The following ULK4 variants were observed in gnomAD, a reference collection of about 807,000 sequenced individuals.
ULK4 encodes the protein inactive serine/threonine-protein kinase ULK4.
Under a neutral mutation model 160.6 loss-of-function variants are expected in ULK4, and 133 were observed. The ratio of observed to expected loss-of-function variants is 0.83; its 90% CI spans 0.72 to 0.96. The LOEUF is 0.96. Ranked by LOEUF, ULK4 falls within the 40% of genes least tolerant of loss-of-function variation. The probability of loss-of-function intolerance (pLI) is 0.00; values close to 1 mark genes in which losing one functional copy is unlikely to be tolerated. For synonymous variants in ULK4, 534 were observed against 539.8 expected (o/e 0.99, Z 0.15); for missense variants, 1,580 against 1,499.5 (o/e 1.05, Z -0.89).
chr3:41,775,690 C>T (rs115323351), intron 21 of ULK4, among the ~76,000 whole-genome samples: 8,801 of 150,570 alleles, frequency 0.058, 836 homozygotes, highest in East Asian at 0.17. Context: ...TGAGCCACCG[C>T]GCCCAGCCGA....
Position 41,306,326 on chromosome 3 carries a change from C to T in ULK4, c.3679-56752G>A, listed in dbSNP as rs1253224555. ...TGAGGAGCCCCTCTGCCCCGCCAGC[C>T]GCCCCATCCGGGAGGGAGGTGGGGG... On this transcript the variant is annotated intron_variant, in intron 35 of 36. Coordinates refer to ENST00000301831, the MANE Select transcript of ULK4 (RefSeq NM_017886.4). Among the ~76,000 whole-genome samples, 2 of 126,320 alleles carry T rather than the reference C, an allele frequency of 1.6e-5. 1 individual carries two copies. Among genetic ancestry groups the T allele is most frequent in the Non-Finnish European group, 3.1e-5 (2 of 64,530 alleles). 82.9% of individuals were successfully genotyped at this position (126,320 alleles called of 152,430 possible). A position where few individuals can be genotyped will look rare whatever the true frequency, so the allele number is the denominator to read the frequency against.
intron 35 of ULK4, among the ~76,000 whole-genome samples, chr3:41,270,484 T>C (rs973732286): frequency 6.6e-6 from 1 of 152,166 alleles, no homozygotes; most frequent in Non-Finnish European, 1.5e-5. Flanking sequence ...TTTCTCTCTA[T>C]CCCTTTTTTA....
chr3:41,705,132 T>C lies in ULK4; in HGVS notation c.2706A>G (p.Glu902=), dbSNP rs757389338. 4 of 1,613,890 alleles carry C rather than the reference T, an allele frequency of 2.5e-6. No homozygotes were observed. Among genetic ancestry groups the C allele is most frequent in the Non-Finnish European group, 3.4e-6 (4 of 1,179,896 alleles). ...DGAIGLTASE[E]FIKITLSAFE... ...AAGCTGACAATGTGATCTTGATAAA[T>C]TCTTCTGATGCTGTCAGTCCTAGAA... Residue 902 remains glutamate, a synonymous_variant, in exon 27 of 37, where the codon GAA becomes GAG. Coordinates refer to ENST00000301831, the MANE Select transcript of ULK4 (RefSeq NM_017886.4).
chr3:41,456,183 T>C (rs2083548406), intron 33 of ULK4, among the ~76,000 whole-genome samples: 1 of 152,218 alleles, frequency 6.6e-6, no homozygotes, highest in South Asian at 2.1e-4. Flanking sequence ...ATGCTGGCAT[T>C]GCAGATGTGA....
At chr3:41,448,800 T>A (rs936727865) in intron 34 of ULK4, among the ~76,000 whole-genome samples, 1 of 152,216 alleles carries the variant, frequency 6.6e-6, no homozygotes, top group African/African-American at 2.4e-5. Context: ...ACAAGAATGA[T>A]GTCCACGTTC....
At chr3:41,552,231 A>G (rs1182822962) in intron 32 of ULK4, among the ~76,000 whole-genome samples, 1 of 152,086 alleles carries the variant, frequency 6.6e-6, no homozygotes, top group Non-Finnish European at 1.5e-5. Context: ...CACCACTCCT[A>G]TACAACATAA....
At chr3:41,921,314 A>C (rs1001567231) in intron 5 of ULK4, among the ~76,000 whole-genome samples, 8 of 152,024 alleles carry the variant, frequency 5.3e-5, no homozygotes, top group African/African-American at 1.9e-4. Flanking sequence ...TCTGTCTCAA[A>C]AAATAAATAA....
intron 2 of ULK4, among the ~76,000 whole-genome samples, chr3:41,952,421 T>C (rs1036520092): frequency 6.6e-6 from 1 of 152,146 alleles, no homozygotes; most frequent in Non-Finnish European, 1.5e-5. Context: ...GAATAGACAT[T>C]TCTCCAAAGG....
At chr3:41,784,770 TC>T (rs1402409994) in intron 21 of ULK4, among the ~76,000 whole-genome samples, 1 of 152,230 alleles carries the variant, frequency 6.6e-6, no homozygotes, top group Non-Finnish European at 1.5e-5. Context: ...ACAAGTTCCT[TC>T]AATACATAAA....
rs578218658 is a variant in ULK4, at chr3:41,513,572, G to C, written c.3227-50319C>G. Among the ~76,000 whole-genome samples, 10 of 152,338 alleles carry C rather than the reference G, an allele frequency of 6.6e-5. No individual in the cohort carries two copies. In the East Asian group the frequency reaches 1.9e-3, roughly 29 times the overall value. ...CGTTTGAACCCAGGAGGTGGAGGTT[G>C]CAGTGAGCCAAGATCCTGCCACTGC... On this transcript the variant is annotated intron_variant, in intron 32 of 36. Transcript: ENST00000301831.
chr3:41,958,647 G>A (rs1700564282), intron 1 of ULK4, among the ~76,000 whole-genome samples: 1 of 151,788 alleles, frequency 6.6e-6, no homozygotes, highest in African/African-American at 2.4e-5. Flanking sequence ...AGAAGGCAGA[G>A]GGAGGTTGCA....
At chr3:41,663,863 T>A (rs918505279) in intron 29 of ULK4, among the ~76,000 whole-genome samples, 164 bp from the exon 30 acceptor site, 5 of 152,226 alleles carry the variant, frequency 3.3e-5, no homozygotes, top group Non-Finnish European at 7.3e-5. Flanking sequence ...TCTCAGAAAG[T>A]TACTGGCAAA....
At chr3:41,528,868 CT>C (rs201206420) in intron 32 of ULK4, among the ~76,000 whole-genome samples, 3,711 of 152,268 alleles carry the variant, frequency 0.024, 55 homozygotes, top group Non-Finnish European at 0.036. Flanking sequence ...CCTTACATAA[CT>C]ATTAAGTACT....
intron 32 of ULK4, among the ~76,000 whole-genome samples, chr3:41,485,192 A>T (rs1304978207): frequency 6.6e-6 from 1 of 152,166 alleles, no homozygotes; most frequent in Non-Finnish European, 1.5e-5. Flanking sequence ...CTGTGCTATT[A>T]CCCATTTTGC....
intron 31 of ULK4, among the ~76,000 whole-genome samples, chr3:41,601,849 T>C (rs773990818): frequency 6.6e-6 from 1 of 152,206 alleles, no homozygotes; most frequent in Non-Finnish European, 1.5e-5. Flanking sequence ...CTAAGTATAA[T>C]GTGGTGTTCT....
chr3:41,512,274 C>G (rs1175498627), intron 32 of ULK4, among the ~76,000 whole-genome samples: 1 of 152,118 alleles, frequency 6.6e-6, no homozygotes, highest in East Asian at 1.9e-4. Flanking sequence ...AAGTTCTAGC[C>G]AGAGCAATCA....
intron 32 of ULK4, among the ~76,000 whole-genome samples, chr3:41,485,776 C>T (rs902444709): frequency 2.6e-5 from 4 of 152,158 alleles, no homozygotes; most frequent in Admixed American, 6.5e-5. Flanking sequence ...GAAGAATTGA[C>T]GTGCAGCTTT....
intron 25 of ULK4, among the ~76,000 whole-genome samples, chr3:41,714,178 T>C (rs1384084051): frequency 6.6e-6 from 1 of 152,152 alleles, no homozygotes; most frequent in African/African-American, 2.4e-5. Context: ...GTACCAAAAT[T>C]ATAGACTTTC....
intron 34 of ULK4, among the ~76,000 whole-genome samples, chr3:41,409,570 CT>C (rs1216818259): frequency 1.3e-5 from 2 of 152,102 alleles, no homozygotes; most frequent in African/African-American, 4.8e-5. Flanking sequence ...TGAGCAAAGA[CT>C]TTAACAGATA....
Sources: gnomAD v4.1 joint callset for allele counts (sites outside exome capture counted in the v4.1 genomes callset) on GRCh38, gnomAD v4.1.1 for gene constraint, MANE v1.5 for transcripts, NCBI Gene and HGNC (gene_info 2026-07-23, HGNC 2026-07-21) for gene names.